Variants in SRD5A2 observed in about 807,000 individuals in gnomAD.
The protein encoded by SRD5A2 is steroid 5 alpha-reductase 2, also known as 3-oxo-5-alpha-steroid 4-dehydrogenase 2.
Under a neutral mutation model 27.4 loss-of-function variants are expected in SRD5A2, and 30 were observed. The ratio of observed to expected loss-of-function variants is 1.10; its 90% CI spans 0.82 to 1.49. The LOEUF is 1.49. Ranked by LOEUF, SRD5A2 falls within the 40% of genes most tolerant of loss-of-function variation. The pLI is 0.00. For missense variants in SRD5A2, 348 were observed against 323.4 expected (o/e 1.08, Z -0.58); for synonymous variants, 141 against 133.6 (o/e 1.06, Z -0.38).
chr2:31,579,353 C>T (rs1056730792), intron 1 of SRD5A2, among the ~76,000 whole-genome samples: 3 of 152,226 alleles, frequency 2.0e-5, no homozygotes, highest in Non-Finnish European at 4.4e-5. Context: ...CTTTACGAGA[C>T]AGATTATGCC....
the SRD5A2 span, among the ~76,000 whole-genome samples, chr2:31,612,828 C>T: frequency 2.0e-5 from 3 of 151,944 alleles, no homozygotes; most frequent in Admixed American, 6.6e-5. Context: ...GCATTTTGAC[C>T]GAGGGAACAG....
intron 1 of SRD5A2, among the ~76,000 whole-genome samples, chr2:31,565,444 C>T (rs906394107): frequency 2.0e-5 from 3 of 151,578 alleles, no homozygotes; most frequent in African/African-American, 7.3e-5. Flanking sequence ...AGTATGCCAC[C>T]TTTGAGACAC....
At chr2:31,580,147 A>G (rs1308310245) in intron 1 of SRD5A2, among the ~76,000 whole-genome samples, 3 of 152,184 alleles carry the variant, frequency 2.0e-5, no homozygotes, top group African/African-American at 7.2e-5. Context: ...GAGATGCCAA[A>G]CGCGTAAGAC....
At chr2:31,593,162 A>ACC in the SRD5A2 span, among the ~76,000 whole-genome samples, 20 of 152,202 alleles carry the variant, frequency 1.3e-4, no homozygotes, top group African/African-American at 4.8e-4. Context: ...CTAATGCTAA[A>ACC]TGACGAGTTA....
At chr2:31,621,184 A>G in the SRD5A2 span, among the ~76,000 whole-genome samples, 3 of 151,930 alleles carry the variant, frequency 2.0e-5, no homozygotes, top group Admixed American at 6.6e-5. Context: ...TGACATTGAT[A>G]CAATCAAGAT....
intron 3 of SRD5A2, 39 bp downstream of exon 3, chr2:31,531,332 C>G: frequency 6.9e-7 from 1 of 1,442,860 alleles, no homozygotes; most frequent in South Asian, 1.2e-5. Context: ...GGACAGGCTC[C>G]AGGGAAGAGT....
In SRD5A2 at chr2:31,526,146, C is replaced by A. The variant is rs780074742; in HGVS notation, c.*50G>T. The A allele has an allele frequency of 1.0e-5, 12 of 1,170,926 alleles. No individual in the cohort carries two copies. The South Asian group carries it at 1.5e-4, about 14-fold the overall frequency. 72.5% of individuals were successfully genotyped at this position (1,170,926 alleles called of 1,614,324 possible). Reference sequence around the variant, plus strand: ...GAAAATTACAGTTTCAGCAGCTTGACAGTTTTCATCAGCATTGTGGGAGCT... The same window carrying A: ...GAAAATTACAGTTTCAGCAGCTTGAAAGTTTTCATCAGCATTGTGGGAGCT... On this transcript the variant is annotated 3_prime_UTR_variant, in exon 5 of 5. Coordinates refer to ENST00000622030, the MANE Select transcript of SRD5A2 (RefSeq NM_000348.4).
At chr2:31,602,340 A>T in the SRD5A2 span, among the ~76,000 whole-genome samples, 2,791 of 151,970 alleles carry the variant, frequency 0.018, 56 homozygotes, top group African/African-American at 0.039. Context: ...AAATGCCTAG[A>T]AATACTGCTA....
At position 31,535,280 on chromosome 2, in the gene SRD5A2, A is replaced by G. The variant is rs28383039; in HGVS notation, c.282-1514T>C. On this transcript the variant is annotated intron_variant, in intron 1 of 4. Transcript: ENST00000622030. ...CGTGATCCACCTGCTTCAGCCTCCC[A>G]AAGTGCTGGGATTACAGGCATGAGC... Among the ~76,000 whole-genome samples the G allele has an allele frequency of 2.7e-4, 41 of 152,274 alleles. 2 individuals carry two copies. In the East Asian group the frequency reaches 7.3e-3, roughly 27 times the overall value.
intron 1 of SRD5A2, among the ~76,000 whole-genome samples, chr2:31,557,432 C>T (rs182450910): frequency 4.3e-4 from 66 of 152,242 alleles, no homozygotes; most frequent in Admixed American, 3.9e-3. Flanking sequence ...GAAATTGGAC[C>T]GCAAAACCTA....
intron 1 of SRD5A2, among the ~76,000 whole-genome samples, chr2:31,538,549 C>T (rs984163055): frequency 1.3e-5 from 2 of 152,146 alleles, no homozygotes; most frequent in Admixed American, 1.3e-4. Flanking sequence ...TAAACTGGAT[C>T]ATATTACTTC....
the SRD5A2 span, among the ~76,000 whole-genome samples, chr2:31,626,555 T>A: frequency 1.3e-5 from 2 of 152,178 alleles, no homozygotes; most frequent in African/African-American, 4.8e-5. Flanking sequence ...TATTGAGAGT[T>A]TTTAGCATGA....
At chr2:31,640,193 T>G in the SRD5A2 span, among the ~76,000 whole-genome samples, 1 of 152,056 alleles carries the variant, frequency 6.6e-6, no homozygotes, top group African/African-American at 2.4e-5. Flanking sequence ...TGTGTGTTTT[T>G]TTTTTAATTT....
chr2:31,537,141 G>A (rs923771946), intron 1 of SRD5A2, among the ~76,000 whole-genome samples: 13 of 152,124 alleles, frequency 8.5e-5, no homozygotes, highest in Non-Finnish European at 1.8e-4. Context: ...CAAGCCAATT[G>A]AAGACTTTTC....
At chr2:31,578,248 T>A (rs1031974506) in intron 1 of SRD5A2, among the ~76,000 whole-genome samples, 1 of 152,052 alleles carries the variant, frequency 6.6e-6, no homozygotes, top group Non-Finnish European at 1.5e-5. Flanking sequence ...TTTAAAAAAT[T>A]TTTACATAAT....
At chr2:31,637,664 T>C in the SRD5A2 span, among the ~76,000 whole-genome samples, 3 of 152,068 alleles carry the variant, frequency 2.0e-5, no homozygotes, top group Non-Finnish European at 2.9e-5. Flanking sequence ...CATTTTTCTA[T>C]ACACTGTTGC....
At chr2:31,626,778 T>C in the SRD5A2 span, among the ~76,000 whole-genome samples, 3 of 152,176 alleles carry the variant, frequency 2.0e-5, no homozygotes, top group Admixed American at 6.5e-5. Context: ...TTGAGGATTT[T>C]TGCGTCAATG....
chr2:31,655,387 C>T, the SRD5A2 span, among the ~76,000 whole-genome samples: 1 of 152,236 alleles, frequency 6.6e-6, no homozygotes, highest in Non-Finnish European at 1.5e-5. Context: ...AGGCATGAGC[C>T]ACTGCACCCA....
chr2:31,579,543 G>T (rs1667027410), intron 1 of SRD5A2, among the ~76,000 whole-genome samples: 2 of 152,184 alleles, frequency 1.3e-5, no homozygotes, highest in Non-Finnish European at 2.9e-5. Flanking sequence ...CGGCTAAAAG[G>T]TCTTAAACCT....
Sources: allele counts gnomAD v4.1 joint callset (sites outside exome capture counted in the v4.1 genomes callset), GRCh38; gene constraint gnomAD v4.1.1; transcripts MANE v1.5; gene names NCBI Gene and HGNC (gene_info 2026-07-23, HGNC 2026-07-21).